Variants in TTLL11 observed in about 807,000 individuals in gnomAD.
The protein encoded by TTLL11 is tubulin polyglutamylase TTLL11.
In TTLL11, 42 loss-of-function variants were observed where a neutral mutation model predicts 51.7. That is an observed-to-expected ratio of 0.81 (90% CI 0.64 to 1.05). TTLL11 has a LOEUF of 1.05. Ranked by LOEUF, TTLL11 falls within the 50% of genes least tolerant of loss-of-function variation. The pLI, the probability that TTLL11 is intolerant of heterozygous loss-of-function variation, is 0.00. For missense variants in TTLL11, 799 were observed against 940.4 expected (o/e 0.85, Z 1.97); for synonymous variants, 381 against 383.5 (o/e 0.99, Z 0.08).
chr9:121,837,836 G>A (rs372086158), intron 8 of TTLL11, among the ~76,000 whole-genome samples: 1 of 152,270 alleles, frequency 6.6e-6, no homozygotes, highest in East Asian at 1.9e-4. Flanking sequence ...TCCCATGTCA[G>A]CTCTGAGCTC....
intron 1 of TTLL11, among the ~76,000 whole-genome samples, chr9:122,085,133 G>A (rs1176812988): frequency 2.0e-5 from 3 of 151,994 alleles, no homozygotes; most frequent in African/African-American, 4.8e-5. Context: ...GGTGGTAGGC[G>A]CCTGTAGTCC....
intron 6 of TTLL11, among the ~76,000 whole-genome samples, chr9:121,945,839 T>A (rs1841641162): frequency 6.9e-6 from 1 of 144,920 alleles, no homozygotes; most frequent in African/African-American, 2.5e-5. Flanking sequence ...TTCTGGAAAT[T>A]ACAAACACAC....
chr9:122,001,512 C>T (rs905023394), intron 3 of TTLL11, among the ~76,000 whole-genome samples: 2 of 71,672 alleles, frequency 2.8e-5, no homozygotes, highest in African/African-American at 5.9e-5. Flanking sequence ...GGGTGGGAAT[C>T]ATGAAGGGGG....
chr9:121,927,929 G>C (rs1188753987), intron 6 of TTLL11, among the ~76,000 whole-genome samples: 2 of 152,170 alleles, frequency 1.3e-5, no homozygotes, highest in Non-Finnish European at 2.9e-5. Flanking sequence ...TTACCTTAGA[G>C]GCCAATAAAT....
intron 6 of TTLL11, among the ~76,000 whole-genome samples, chr9:121,914,169 CA>C (rs1412415772): frequency 6.6e-6 from 1 of 152,196 alleles, no homozygotes; most frequent in Non-Finnish European, 1.5e-5. Flanking sequence ...TGGGTCAAAC[CA>C]ATTTGCAATC....
At chr9:122,076,372 T>A (rs1235922487) in intron 1 of TTLL11, among the ~76,000 whole-genome samples, 1 of 152,194 alleles carries the variant, frequency 6.6e-6, no homozygotes, top group Non-Finnish European at 1.5e-5. Flanking sequence ...AGAATCAGAC[T>A]GGAAATTCCC....
chr9:121,962,164 A>G (rs1842249789), intron 6 of TTLL11, among the ~76,000 whole-genome samples: 1 of 152,250 alleles, frequency 6.6e-6, no homozygotes, highest in Non-Finnish European at 1.5e-5. Context: ...TAAAAAGTTA[A>G]TCAGGTTAGC....
chr9:121,874,101 C>T (rs932142221), intron 6 of TTLL11, among the ~76,000 whole-genome samples: 1 of 152,018 alleles, frequency 6.6e-6, no homozygotes. Flanking sequence ...AAGTGATCCA[C>T]CCACCTCAGC....
intron 8 of TTLL11, among the ~76,000 whole-genome samples, chr9:121,852,287 T>A (rs1291156633): frequency 6.6e-6 from 1 of 152,178 alleles, no homozygotes; most frequent in Non-Finnish European, 1.5e-5. Context: ...TATCACTAAA[T>A]CCTGACAGTG....
chr9:122,061,965 A>T (rs1845446360), intron 1 of TTLL11, among the ~76,000 whole-genome samples: 1 of 152,118 alleles, frequency 6.6e-6, no homozygotes, highest in Admixed American at 6.6e-5. Context: ...TCTATTAGAC[A>T]TTTGGGTTTC....
intron 1 of TTLL11, among the ~76,000 whole-genome samples, chr9:122,047,615 T>A (rs1026753301): frequency 6.6e-6 from 1 of 150,800 alleles, no homozygotes; most frequent in African/African-American, 2.4e-5. Context: ...GGGAAAAGTG[T>A]TTCAAGACTA....
At chr9:122,077,252 T>A (rs1400450831) in intron 1 of TTLL11, among the ~76,000 whole-genome samples, 1 of 152,046 alleles carries the variant, frequency 6.6e-6, no homozygotes, top group Admixed American at 6.6e-5. Flanking sequence ...ACACAGACTA[T>A]ATAAAATACC....
At chr9:121,888,859 G>A (rs1839115237) in intron 6 of TTLL11, among the ~76,000 whole-genome samples, 1 of 152,228 alleles carries the variant, frequency 6.6e-6, no homozygotes, top group Non-Finnish European at 1.5e-5. Context: ...TGGGGGCCTT[G>A]GACACAGGTC....
chr9:121,957,101 G>A (rs970455087), intron 6 of TTLL11, among the ~76,000 whole-genome samples: 6 of 152,110 alleles, frequency 3.9e-5, no homozygotes, highest in Admixed American at 2.6e-4. Context: ...TTCTATCCTC[G>A]ACTCCATGGC....
In TTLL11 at chr9:121,864,777, A is replaced by C. The variant is rs141273786; in HGVS notation, c.1734-4334T>G. Among the ~76,000 whole-genome samples, 235 of 152,316 alleles carry C rather than the reference A, an allele frequency of 1.5e-3. 1 individual carries two copies. The highest frequency in any genetic ancestry group is 5.6e-3 in the African/African-American group (231 of 41,568). ...CACATAGGATGGGAGAGAATCACAAATCATTTAAGTTCATTAGGAGTCCAA... is the reference window on the plus strand; with the variant it reads ...CACATAGGATGGGAGAGAATCACAACTCATTTAAGTTCATTAGGAGTCCAA... On this transcript the variant is annotated intron_variant, in intron 7 of 8. Transcript: ENST00000321582.
intron 3 of TTLL11, among the ~76,000 whole-genome samples, chr9:122,000,640 C>G (rs1403880877): frequency 6.6e-6 from 1 of 152,170 alleles, no homozygotes; most frequent in East Asian, 1.9e-4. Flanking sequence ...ATGGCAACGT[C>G]AGGAAGTTAC....
At chr9:122,005,745 C>T (rs1444964344) in intron 3 of TTLL11, among the ~76,000 whole-genome samples, 1 of 152,176 alleles carries the variant, frequency 6.6e-6, no homozygotes, top group Non-Finnish European at 1.5e-5. Context: ...GATGAAAATC[C>T]TTCTGCTCCA....
chr9:121,880,186 T>G (rs528178194), intron 6 of TTLL11, among the ~76,000 whole-genome samples: 2 of 152,228 alleles, frequency 1.3e-5, no homozygotes, highest in East Asian at 3.9e-4. Context: ...ATGAATTGGC[T>G]GGTGCTTAGC....
intron 4 of TTLL11, among the ~76,000 whole-genome samples, chr9:121,984,695 G>C (rs4837930): frequency 0.35 from 53,467 of 152,012 alleles, 10,212 homozygotes; most frequent in African/African-American, 0.48. Context: ...GATTTAGGAA[G>C]AGCATCTCCT....
Sources: gnomAD v4.1 joint callset for allele counts (sites outside exome capture counted in the v4.1 genomes callset) on GRCh38, gnomAD v4.1.1 for gene constraint, MANE v1.5 for transcripts, NCBI Gene and HGNC (gene_info 2026-07-23, HGNC 2026-07-21) for gene names.